The following DCK variants were observed in gnomAD, a reference collection of about 807,000 sequenced individuals.
DCK encodes the protein deoxyadenosine kinase.
Under a neutral mutation model 38.3 loss-of-function variants are expected in DCK, and 23 were observed. The observed-to-expected ratio is 0.60, with a 90% CI of 0.43 to 0.85. The LOEUF (loss-of-function observed/expected upper bound fraction) is 0.85. DCK is among the 40% of genes least tolerant of loss of function. DCK has a pLI of 0.00. For synonymous variants in DCK, 108 were observed against 100.6 expected (o/e 1.07, Z -0.44); for missense variants, 259 against 304.4 (o/e 0.85, Z 1.11).
In DCK at chr4:71,024,437, T is replaced by A. The variant is rs144323313; in HGVS notation, c.549+731T>A. 5.3e-5 allele frequency among the ~76,000 whole-genome samples: 8 copies of A among 152,252 alleles called. No individual in the cohort carries two copies. The East Asian group carries it at 1.3e-3, about 26-fold the overall frequency. On this transcript the variant is annotated intron_variant, in intron 4 of 6. Transcript: ENST00000286648. ...ATCTTACATTTAATCAGAAGCTTTC[T>A]GGTTTTGGTGCGTGCATTTCTATTG...
intron 1 of DCK, 108 bp downstream of exon 1, chr4:70,994,034 C>T: frequency 1.2e-6 from 1 of 836,648 alleles, no homozygotes; most frequent in Non-Finnish European, 2.0e-6. Context: ...GCTTTCCCTC[C>T]AGCCTGGCGG....
At chr4:71,017,894 G>A (rs1198156057) in intron 2 of DCK, among the ~76,000 whole-genome samples, 4 of 151,896 alleles carry the variant, frequency 2.6e-5, no homozygotes, top group Non-Finnish European at 4.4e-5. Context: ...AAACCTGCAC[G>A]TTGTGCACAT....
At position 71,026,823 on chromosome 4, in the gene DCK, C is replaced by T. The variant is rs529605866; in HGVS notation, c.756+68C>T. ...AAAAGTGTACTGAGTGGTGAGAAAA[C>T]AATTTTCTAACAGAAAAGCTTCCAT... On this transcript the variant is annotated intron_variant, in intron 6 of 6. Transcript: ENST00000286648. The T allele has an allele frequency of 1.2e-5, 9 of 744,748 alleles. No homozygotes were observed. In the African/African-American group the frequency reaches 1.3e-4, roughly 11 times the overall value. The allele number at this position is 744,748 out of a possible 1,614,324, so 46.1% of individuals were successfully genotyped here.
At chr4:71,006,223 C>T (rs1474181188) in intron 2 of DCK, 6 of 257,652 alleles carry the variant, frequency 2.3e-5, no homozygotes, top group Admixed American at 6.6e-5. Flanking sequence ...CATTTACTCT[C>T]ATTTCTTTTT....
At chr4:71,025,968 C>A (rs776827934) in intron 5 of DCK, 37 bp downstream of exon 5, 3 of 1,473,956 alleles carry the variant, frequency 2.0e-6, no homozygotes, top group East Asian at 2.4e-5. Flanking sequence ...ATTTTAAATA[C>A]CTTTGTTACC....
intron 2 of DCK, among the ~76,000 whole-genome samples, chr4:71,021,744 C>T (rs12501375): frequency 0.94 from 142,916 of 152,210 alleles, 67,790 homozygotes; most frequent in Non-Finnish European, 1. Context: ...AAAAAGAAGA[C>T]GTAATCCCTG....
At chr4:71,003,985 G>A (rs1739874695) in intron 2 of DCK, among the ~76,000 whole-genome samples, 1 of 152,180 alleles carries the variant, frequency 6.6e-6, no homozygotes, top group African/African-American at 2.4e-5. Context: ...TCTCCATCCA[G>A]CTTTGTTCTC....
At chr4:71,015,675 ACAAAAACCACATGATTATCT>A (rs1191246028) in intron 2 of DCK, among the ~76,000 whole-genome samples, 1 of 152,236 alleles carries the variant, frequency 6.6e-6, no homozygotes, top group Admixed American at 6.5e-5. Flanking sequence ...AGAACCAAAG[ACAAAAACCACATGATTATCT>A]CAATAGATGC....
chr4:71,028,797 G>A (rs1740608411), intron 6 of DCK: 3 of 301,996 alleles, frequency 9.9e-6, no homozygotes, highest in Non-Finnish European at 1.9e-5. Flanking sequence ...TGCTCTTGTT[G>A]CCCAGGCTGG....
At chr4:71,017,195 G>T (rs1413256037) in intron 2 of DCK, among the ~76,000 whole-genome samples, 1 of 152,166 alleles carries the variant, frequency 6.6e-6, no homozygotes, top group Non-Finnish European at 1.5e-5. Flanking sequence ...ATCATCACTG[G>T]CCATCAGAGA....
intron 4 of DCK, among the ~76,000 whole-genome samples, chr4:71,025,569 A>G (rs1242601091): frequency 6.6e-6 from 1 of 152,226 alleles, no homozygotes; most frequent in Non-Finnish European, 1.5e-5. Context: ...CAAACTTAGT[A>G]TATTTCATGT....
At chr4:70,996,177 T>C (rs1168455094) in intron 1 of DCK, among the ~76,000 whole-genome samples, 2 of 149,306 alleles carry the variant, frequency 1.3e-5, no homozygotes, top group African/African-American at 4.9e-5. Flanking sequence ...ATGGCACCAC[T>C]GCACCCCAGC....
intron 2 of DCK, among the ~76,000 whole-genome samples, chr4:71,016,752 C>G: frequency 6.6e-6 from 1 of 152,262 alleles, no homozygotes; most frequent in South Asian, 2.1e-4. Flanking sequence ...GAAACTGGAT[C>G]CCTTCCTTAC....
rs367836620 is a variant in DCK, at chr4:71,010,166, C to CTTT, written c.207+11999_207+12001dup. On this transcript the variant is annotated intron_variant, in intron 2 of 6. Coordinates refer to ENST00000286648, the MANE Select transcript of DCK (RefSeq NM_000788.3). ...ATATGCTTAGCTTTTGCTGTTTTAGCTTTTTTTTTTTTTTTTTAACCTGCC... is the reference window on the plus strand; with the variant it reads ...ATATGCTTAGCTTTTGCTGTTTTAGCTTTTTTTTTTTTTTTTTTTTAACCTGCC... Among the ~76,000 whole-genome samples the CTTT allele has an allele frequency of 1.2e-3, 162 of 135,338 alleles. 1 individual carries two copies. Among genetic ancestry groups the CTTT allele is most frequent in the African/African-American group, 4.2e-3 (154 of 36,870 alleles). The allele number at this position is 135,338 out of a possible 152,430, so 88.8% of individuals were successfully genotyped here. A position where few individuals can be genotyped will look rare whatever the true frequency, so the allele number is the denominator to read the frequency against.
intron 2 of DCK, among the ~76,000 whole-genome samples, chr4:71,009,425 A>G (rs183298303): frequency 1.9e-4 from 29 of 152,348 alleles, no homozygotes; most frequent in Admixed American, 1.8e-3. Flanking sequence ...CATGTTAATC[A>G]GACTGTGTCA....
Position 71,029,430 on chromosome 4 carries a change from GTATCT to G in DCK, c.*54_*58del, listed in dbSNP as rs750823170. ...ATGGTTCCAGATACTTCAGCTTTGT[GTATCT>G]TCGTAACTTCATATTAATATAAGTT... On this transcript the variant is annotated 3_prime_UTR_variant, in exon 7 of 7. Transcript: ENST00000286648. 1.1e-5 allele frequency: 15 copies of G among 1,357,880 alleles called. No individual in the cohort carries two copies. Among genetic ancestry groups the G allele is most frequent in the African/African-American group, 2.9e-5 (2 of 69,424 alleles). The allele number at this position is 1,357,880 out of a possible 1,614,324, so 84.1% of individuals were successfully genotyped here.
At chr4:71,008,248 G>T (rs780167663) in intron 2 of DCK, among the ~76,000 whole-genome samples, 2 of 152,138 alleles carry the variant, frequency 1.3e-5, no homozygotes, top group Non-Finnish European at 2.9e-5. Flanking sequence ...TCTCCCCCCA[G>T]TGTAATCAAG....
chr4:70,998,699 G>A (rs1227716873), intron 2 of DCK, among the ~76,000 whole-genome samples: 3 of 152,034 alleles, frequency 2.0e-5, no homozygotes, highest in African/African-American at 4.8e-5. Flanking sequence ...TGAGGCGGGC[G>A]GATCACTTGA....
At chr4:71,010,440 C>T (rs1235491773) in intron 2 of DCK, among the ~76,000 whole-genome samples, 1 of 150,728 alleles carries the variant, frequency 6.6e-6, no homozygotes, top group African/African-American at 2.4e-5. Flanking sequence ...TTAATTGTTT[C>T]CTTTTAGCTT....
Sources: gnomAD v4.1 joint callset for allele counts (sites outside exome capture counted in the v4.1 genomes callset) on GRCh38, gnomAD v4.1.1 for gene constraint, MANE v1.5 for transcripts, NCBI Gene and HGNC (gene_info 2026-07-23, HGNC 2026-07-21) for gene names.